MACF1: variants seen among roughly 807,000 people sequenced by gnomAD.
MACF1 encodes the protein microtubule-actin cross-linking factor 1.
MACF1 carries 193 observed loss-of-function variants against 854.8 expected under a neutral mutation model. The ratio of observed to expected loss-of-function variants is 0.23; its 90% CI spans 0.20 to 0.25. The LOEUF (loss-of-function observed/expected upper bound fraction) is 0.25. Among genes scored for constraint, MACF1 ranks in the 10% least tolerant of loss-of-function variants. The pLI, the probability that MACF1 is intolerant of heterozygous loss-of-function variation, is 1.00. For synonymous variants in MACF1, 3,185 were observed against 3,226.7 expected, an observed-to-expected ratio of 0.99 and a Z score of 0.44; for missense variants, 7,722 against 8,929.1, an observed-to-expected ratio of 0.86 and a Z score of 5.45.
chr1:39,436,425 C>G, intron 70 of MACF1: 5 of 1,604,222 alleles, frequency 3.1e-6, no homozygotes, highest in Non-Finnish European at 4.3e-6. Context: ...CTGCCTGCTC[C>G]TGTCTTCCCC....
At chr1:39,401,364 A>T (rs573397224) in intron 58 of MACF1, among the ~76,000 whole-genome samples, 4 of 152,314 alleles carry the variant, frequency 2.6e-5, no homozygotes, top group African/African-American at 7.2e-5. Context: ...AGACCATGTT[A>T]TCTTCCTCTG....
rs560666022 is a variant in MACF1, at chr1:39,337,387, C to T, written c.10215+56C>T. The T allele has an allele frequency of 5.7e-6, 9 of 1,582,682 alleles. No individual in the cohort carries two copies. In the Admixed American group the frequency reaches 1.4e-4, roughly 25 times the overall value. ...CCAGCTTCAAGATAGCTGCCTCCATCTTCCTTGAAGATTTCAAGACTTACT... is the reference window on the plus strand; with the variant it reads ...CCAGCTTCAAGATAGCTGCCTCCATTTTCCTTGAAGATTTCAAGACTTACT... On this transcript the variant is annotated intron_variant, in intron 38 of 100. Coordinates refer to ENST00000564288, the MANE Select transcript of MACF1 (RefSeq NM_001394062.1).
In MACF1 at chr1:39,317,414, G is replaced by GGT; in HGVS notation, c.3782+9_3782+10dup. The GGT allele has an allele frequency of 6.2e-7, 1 of 1,611,018 alleles. No homozygotes were observed. The highest frequency in any genetic ancestry group is 8.5e-7 in the Non-Finnish European group (1 of 1,179,268). On this transcript the variant is annotated splice_region_variant and intron_variant, in intron 29 of 100. Transcript: ENST00000564288. ...TTGCCCAGCTCGAGATTCGGTGAGT[G>GGT]GTGGCCCCACCTTTTTCTCCTATTA...
chr1:39,139,509 A>G (rs1356919176), intron 2 of MACF1, among the ~76,000 whole-genome samples: 1 of 151,992 alleles, frequency 6.6e-6, no homozygotes, highest in African/African-American at 2.4e-5. Flanking sequence ...CTCCCATCTC[A>G]GCCTCCCAAA....
At chr1:39,172,990 A>G (rs1383787585) in intron 2 of MACF1, among the ~76,000 whole-genome samples, 1 of 152,194 alleles carries the variant, frequency 6.6e-6, no homozygotes, top group African/African-American at 2.4e-5. Flanking sequence ...TAGGAAAATA[A>G]AGACCACTTA....
chr1:39,375,043 G>C (rs1649592019), intron 52 of MACF1, among the ~76,000 whole-genome samples: 1 of 151,728 alleles, frequency 6.6e-6, no homozygotes, highest in Non-Finnish European at 1.5e-5. Context: ...CCGGGAGGCA[G>C]AGCTTGCAGT....
At chr1:39,247,068 AT>A (rs58410726) in intron 2 of MACF1, among the ~76,000 whole-genome samples, 2,536 of 93,454 alleles carry the variant, frequency 0.027, 72 homozygotes, top group African/African-American at 0.099. Flanking sequence ...TGCCCGGCTA[AT>A]TTTTTTTTTT....
intron 6 of MACF1, 102 bp downstream of exon 6, chr1:39,258,130 T>A: frequency 1.1e-6 from 1 of 925,332 alleles, no homozygotes; most frequent in South Asian, 1.4e-5. Context: ...TTCTCTCTAT[T>A]TGTCAGTGAA....
At chr1:39,467,148 C>T (rs1350787316) in intron 95 of MACF1, among the ~76,000 whole-genome samples, 1 of 152,078 alleles carries the variant, frequency 6.6e-6, no homozygotes, top group Non-Finnish European at 1.5e-5. Flanking sequence ...GGGCAGATCA[C>T]GAGGTCAGGA....
At position 39,333,051 on chromosome 1, in the gene MACF1, A is replaced by T; in HGVS notation, c.6463A>T (p.Thr2155Ser). 6.2e-7 allele frequency: 1 copy of T among 1,614,054 alleles called. No homozygotes were observed. Among genetic ancestry groups the T allele is most frequent in the South Asian group, 1.1e-5 (1 of 91,046 alleles). ...TGACAAAGATGTTTTTTCTGTTGAA[A>T]CACCAAAGAAAGAACATCAACCTCT... ...VVDKDVFSVE[T>S]PKKEHQPLRN... The change falls in exon 37 of 101, where the codon ACA becomes TCA. Residue 2155 changes from threonine to serine, a missense_variant. Physicochemically the swap from Thr to Ser is moderately conservative, Grantham distance 58. Transcript: ENST00000564288.
chr1:39,441,525 G>C (rs1333432130), intron 74 of MACF1, among the ~76,000 whole-genome samples, 200 bp downstream of exon 74: 45 of 152,140 alleles, frequency 3.0e-4, no homozygotes, highest in Non-Finnish European at 4.4e-5. Context: ...TACTCTTCCT[G>C]CCATGTTTAT....
intron 2 of MACF1, among the ~76,000 whole-genome samples, chr1:39,119,170 T>C (rs547244802): frequency 1.6e-4 from 25 of 151,972 alleles, no homozygotes; most frequent in Admixed American, 1.4e-3. Context: ...AATACAAAAT[T>C]AGCTGGCGTG....
chr1:39,355,902 G>A (rs1462718268), intron 44 of MACF1, among the ~76,000 whole-genome samples: 8 of 152,006 alleles, frequency 5.3e-5, no homozygotes. Context: ...TTGCTATGTT[G>A]TTGCTCAGGC....
chr1:39,336,787 A>C (rs1646817687), intron 37 of MACF1, 134 bp downstream of exon 37: 1 of 852,070 alleles, frequency 1.2e-6, no homozygotes, highest in African/African-American at 1.7e-5. Context: ...ATGATTCTCT[A>C]AGATATAACT....
intron 2 of MACF1, among the ~76,000 whole-genome samples, chr1:39,248,149 A>G (rs1645002713): frequency 6.6e-6 from 1 of 152,108 alleles, no homozygotes; most frequent in Non-Finnish European, 1.5e-5. Context: ...CATACCTTGC[A>G]TATGTCCATC....
At chr1:39,187,977 TCTCCC>T (rs71057197) in intron 2 of MACF1, among the ~76,000 whole-genome samples, 81,193 of 118,222 alleles carry the variant, frequency 0.69, 27,414 homozygotes, top group South Asian at 0.8. Context: ...TCTCCCCTCC[TCTCCC>T]CTCCCCTCCC....
chr1:39,365,888 C>T (rs753422393), intron 49 of MACF1, among the ~76,000 whole-genome samples: 4 of 152,034 alleles, frequency 2.6e-5, no homozygotes, highest in Non-Finnish European at 5.9e-5. Flanking sequence ...GTTGGCCAGG[C>T]TGGTCTCGAA....
chr1:39,114,182 GTT>G (rs10715454), intron 2 of MACF1, among the ~76,000 whole-genome samples: 2,974 of 142,418 alleles, frequency 0.021, 77 homozygotes, highest in East Asian at 0.055. Flanking sequence ...ATACTTTACT[GTT>G]TTTTTTTTTT....
At chr1:39,096,055 A>C (rs1641929942) in intron 2 of MACF1, among the ~76,000 whole-genome samples, 1 of 151,770 alleles carries the variant, frequency 6.6e-6, no homozygotes, top group Non-Finnish European at 1.5e-5. Context: ...TGTGGACCCA[A>C]CCACTCAGGA....
Sources: allele counts gnomAD v4.1 joint callset (sites outside exome capture counted in the v4.1 genomes callset), GRCh38; gene constraint gnomAD v4.1.1; transcripts MANE v1.5; gene names NCBI Gene and HGNC (gene_info 2026-07-23, HGNC 2026-07-21).